The following CHD9 variants were observed in gnomAD, a reference collection of about 807,000 sequenced individuals.
CHD9 encodes chromodomain helicase DNA binding protein 9, also known as ATP-dependent chromatin remodeler CHD9.
In CHD9, 77 loss-of-function variants were observed where a neutral mutation model predicts 316.1. The ratio of observed to expected loss-of-function variants is 0.24; its 90% CI spans 0.20 to 0.29. The LOEUF (loss-of-function observed/expected upper bound fraction) is 0.29, where lower values mean the gene tolerates loss of function less well. Ranked by LOEUF, CHD9 falls within the 10% of genes least tolerant of loss-of-function variation. The pLI, the probability that CHD9 is intolerant of heterozygous loss-of-function variation, is 1.00. For synonymous variants in CHD9, 1,129 were observed against 1,158.3 expected, an observed-to-expected ratio of 0.97 and a Z score of 0.51; for missense variants, 2,763 against 3,438.1, an observed-to-expected ratio of 0.80 and a Z score of 4.91.
chr16:53,105,684 A>C (rs1391083277), intron 1 of CHD9, among the ~76,000 whole-genome samples: 1 of 152,194 alleles, frequency 6.6e-6, no homozygotes, highest in African/African-American at 2.4e-5. Context: ...AGGATATCAT[A>C]AATTCAGGTG....
At position 53,091,249 on chromosome 16, in the gene CHD9, T is replaced by C. The variant is rs1484686283; in HGVS notation, c.-165+36172T>C. 2.0e-5 allele frequency among the ~76,000 whole-genome samples: 3 copies of C among 152,192 alleles called. No individual in the cohort carries two copies. In the East Asian group the frequency reaches 5.8e-4, roughly 29 times the overall value. On this transcript the variant is annotated intron_variant, in intron 1 of 38. Transcript: ENST00000447540. ...CAGTGGTTGGCTGACAGCATAGAAC[T>C]GAGCTGCCAAGAACGCTGGAGTCAG...
At chr16:53,172,205 C>T (rs1042659586) in intron 2 of CHD9, among the ~76,000 whole-genome samples, 5 of 152,110 alleles carry the variant, frequency 3.3e-5, no homozygotes, top group African/African-American at 4.8e-5. Context: ...TCTCCTCCTT[C>T]GCGCACCCAG....
intron 2 of CHD9, among the ~76,000 whole-genome samples, chr16:53,161,184 T>A (rs1475464499): frequency 6.6e-6 from 1 of 152,100 alleles, no homozygotes; most frequent in Non-Finnish European, 1.5e-5. Context: ...ATTGTGAGAG[T>A]GAAAAAGAGA....
chr16:53,230,548 A>G (rs1427527256), intron 8 of CHD9, among the ~76,000 whole-genome samples: 1 of 152,180 alleles, frequency 6.6e-6, no homozygotes, highest in Non-Finnish European at 1.5e-5. Flanking sequence ...TCTCTTCACT[A>G]TGATCTAGAA....
intron 2 of CHD9, among the ~76,000 whole-genome samples, chr16:53,184,030 C>T (rs1451301194): frequency 6.6e-6 from 1 of 151,884 alleles, no homozygotes; most frequent in East Asian, 1.9e-4. Flanking sequence ...CTGCAAGCTC[C>T]TCCTCTTGGG....
At chr16:53,082,561 G>C (rs1020216609) in intron 1 of CHD9, among the ~76,000 whole-genome samples, 1 of 152,118 alleles carries the variant, frequency 6.6e-6, no homozygotes, top group Non-Finnish European at 1.5e-5. Flanking sequence ...GCTTTTAACC[G>C]ATTGGTTTAA....
chr16:53,303,081 T>C (rs891002370), intron 30 of CHD9, among the ~76,000 whole-genome samples: 2 of 152,188 alleles, frequency 1.3e-5, no homozygotes, highest in Non-Finnish European at 2.9e-5. Flanking sequence ...CTTACATTTG[T>C]TTATGGAGTA....
At chr16:53,130,939 G>A (rs1459465212) in intron 1 of CHD9, 1 of 152,346 alleles carries the variant, frequency 6.6e-6, no homozygotes, top group Non-Finnish European at 1.5e-5. Context: ...GGTCGCGCTG[G>A]GGGAGTGAAC....
chr16:53,146,668 AC>A (rs796759947), intron 1 of CHD9, among the ~76,000 whole-genome samples: 4 of 147,190 alleles, frequency 2.7e-5, no homozygotes, highest in African/African-American at 1.0e-4. Context: ...GTATGGTGAC[AC>A]ATGCCTGTAA....
intron 7 of CHD9, among the ~76,000 whole-genome samples, chr16:53,228,392 G>A (rs887399788): frequency 2.0e-5 from 3 of 151,548 alleles, no homozygotes; most frequent in Non-Finnish European, 4.4e-5. Flanking sequence ...TATGTCAGAC[G>A]CACACAATGA....
intron 1 of CHD9, among the ~76,000 whole-genome samples, chr16:53,127,581 T>C (rs1292852665): frequency 1.3e-5 from 2 of 152,026 alleles, no homozygotes; most frequent in Admixed American, 6.6e-5. Flanking sequence ...AATGACTGTG[T>C]AACCAGGGCA....
intron 1 of CHD9, among the ~76,000 whole-genome samples, chr16:53,139,684 T>C (rs2039961960): frequency 6.6e-6 from 1 of 152,198 alleles, no homozygotes; most frequent in Non-Finnish European, 1.5e-5. Flanking sequence ...TACATTTAGT[T>C]AAGCACTTAC....
chr16:53,072,521 T>TCACCC (rs1284119530), intron 1 of CHD9, among the ~76,000 whole-genome samples: 1 of 135,996 alleles, frequency 7.4e-6, no homozygotes, highest in East Asian at 2.5e-4. Flanking sequence ...CAACCCCACC[T>TCACCC]CACCCCACCC....
rs2050403520 is a variant in CHD9, at chr16:53,254,428, A to G, written c.3862-10A>G. 1 of 1,532,204 alleles carries G rather than the reference A, an allele frequency of 6.5e-7. No individual in the cohort carries two copies. The highest frequency in any genetic ancestry group is 8.8e-7 in the Non-Finnish European group (1 of 1,134,420). The allele number at this position is 1,532,204 out of a possible 1,614,324, so 94.9% of individuals were successfully genotyped here. On this transcript the variant is annotated splice_polypyrimidine_tract_variant and intron_variant, in intron 17 of 38. Coordinates refer to ENST00000447540, the MANE Select transcript of CHD9 (RefSeq NM_001308319.2). Reference sequence around the variant, plus strand: ...AAACTAATTAAATATGTAACTTTTCATTTTTATAGGCCCAAGCTCGTTGCC... The same window carrying G: ...AAACTAATTAAATATGTAACTTTTCGTTTTTATAGGCCCAAGCTCGTTGCC...
intron 2 of CHD9, among the ~76,000 whole-genome samples, chr16:53,170,950 A>T (rs1237605633): frequency 6.6e-6 from 1 of 152,194 alleles, no homozygotes; most frequent in Non-Finnish European, 1.5e-5. Context: ...TATAACAAAT[A>T]TGCATAACAA....
At chr16:53,305,231 T>C (rs774861531) in intron 31 of CHD9, among the ~76,000 whole-genome samples, 3 of 151,782 alleles carry the variant, frequency 2.0e-5, no homozygotes, top group Non-Finnish European at 4.4e-5. Context: ...CCAGCTAATT[T>C]TTGTATTTTT....
intron 4 of CHD9, among the ~76,000 whole-genome samples, chr16:53,224,817 A>G (rs1332002081): frequency 6.6e-6 from 1 of 152,218 alleles, no homozygotes; most frequent in East Asian, 1.9e-4. Context: ...ATATTCTTTT[A>G]GCCTAGTGTT....
At chr16:53,067,085 G>T (rs2033596935) in intron 1 of CHD9, among the ~76,000 whole-genome samples, 1 of 152,164 alleles carries the variant, frequency 6.6e-6, no homozygotes, top group Non-Finnish European at 1.5e-5. Context: ...TGGGACTACA[G>T]GCGCACACCA....
At chr16:53,123,797 C>T (rs955753447) in intron 1 of CHD9, among the ~76,000 whole-genome samples, 18 of 152,252 alleles carry the variant, frequency 1.2e-4, no homozygotes, top group East Asian at 3.9e-4. Flanking sequence ...CCACCACGCC[C>T]GGCCTAATTT....
Sources: gnomAD v4.1 joint callset for allele counts (sites outside exome capture counted in the v4.1 genomes callset) on GRCh38, gnomAD v4.1.1 for gene constraint, MANE v1.5 for transcripts, NCBI Gene and HGNC (gene_info 2026-07-23, HGNC 2026-07-21) for gene names.